Variants in CES1 observed in about 807,000 individuals in gnomAD.
CES1 encodes liver carboxylesterase 1.
In CES1, 50 loss-of-function variants were observed where a neutral mutation model predicts 53.0. That is an observed-to-expected ratio of 0.94 (90% confidence interval 0.75 to 1.19). The LOEUF (loss-of-function observed/expected upper bound fraction) is 1.19. Among genes scored for constraint, CES1 ranks in the 50% most tolerant of loss-of-function variants. CES1 has a pLI of 0.00. For synonymous variants in CES1, 202 were observed against 210.1 expected (o/e 0.96, Z 0.33); for missense variants, 534 against 538.0 (o/e 0.99, Z 0.07).
At chr16:55,812,122 A>T (rs769346729) in intron 9 of CES1, among the ~76,000 whole-genome samples, 1 of 152,220 alleles carries the variant, frequency 6.6e-6, no homozygotes, top group Non-Finnish European at 1.5e-5. Context: ...CCCCTATTGC[A>T]ATCATATTAC....
chr16:55,830,404 AT>A (rs2032589642), intron 1 of CES1, among the ~76,000 whole-genome samples: 1 of 152,228 alleles, frequency 6.6e-6, no homozygotes, highest in East Asian at 1.9e-4. Context: ...ACTGTATGGG[AT>A]TTCCGGTCTT....
intron 9 of CES1, among the ~76,000 whole-genome samples, chr16:55,811,907 G>A (rs1395926839): frequency 5.9e-5 from 9 of 152,150 alleles, no homozygotes; most frequent in Non-Finnish European, 4.4e-5. Context: ...TTCTTCCTGC[G>A]GTCTAATGCA....
chr16:55,817,226 G>A (rs1367520758), intron 7 of CES1, among the ~76,000 whole-genome samples: 2 of 152,154 alleles, frequency 1.3e-5, no homozygotes, highest in Non-Finnish European at 2.9e-5. Flanking sequence ...TAGGACATAA[G>A]TCTAGAGTGC....
rs1288948235 is a variant in CES1 at position 55,826,133 on chromosome 16, G to A, written c.405+18C>T. On this transcript the variant is annotated intron_variant, in intron 3 of 13. Transcript: ENST00000360526. ...TACTGGCACTGACACGCCTTGACCA[G>A]GGGGTCCCACAACTTACCGGCAGCC... 1 of 1,613,782 alleles carries A rather than the reference G, an allele frequency of 6.2e-7. No individual in the cohort carries two copies. The highest frequency in any genetic ancestry group is 1.3e-5 in the African/African-American group (1 of 74,914).
chr16:55,826,271 C>A lies in CES1; in HGVS notation c.285G>T (p.Gly95=), dbSNP rs779072034. The A allele has an allele frequency of 1.2e-6, 2 of 1,613,868 alleles. No homozygotes were observed. The highest frequency in any genetic ancestry group is 3.3e-5 in the Admixed American group (2 of 60,002). Residue 95 remains glycine, a synonymous_variant, in exon 3 of 14, where the codon GGG becomes GGT. Coordinates refer to ENST00000360526, the MANE Select transcript of CES1 (RefSeq NM_001025195.2). The part of the protein sequence containing the change: ...PPMCTQDPKA[G]QLLSELFTNR... ...TTGTAAATAGCTCTGAGAGTAACTGCCCCGCCTTGGGATCTTGGGTGCACC... is the reference window on the plus strand; with the variant it reads ...TTGTAAATAGCTCTGAGAGTAACTGACCCGCCTTGGGATCTTGGGTGCACC...
At chr16:55,811,882 C>A (rs2031714501) in intron 9 of CES1, among the ~76,000 whole-genome samples, 1 of 152,330 alleles carries the variant, frequency 6.6e-6, no homozygotes, top group African/African-American at 2.4e-5. Context: ...AAGAGTAGAG[C>A]CTGACTTCAG....
At chr16:55,816,571 T>C (rs1270277697) in intron 8 of CES1, among the ~76,000 whole-genome samples, 5 of 152,214 alleles carry the variant, frequency 3.3e-5, no homozygotes, top group African/African-American at 1.2e-4. Flanking sequence ...CCTTGGCTAA[T>C]CATCGCTGTT....
intron 3 of CES1, among the ~76,000 whole-genome samples, chr16:55,824,966 C>T (rs1342543263): frequency 6.6e-6 from 1 of 152,172 alleles, no homozygotes; most frequent in Non-Finnish European, 1.5e-5. Flanking sequence ...CTGCCTGCCT[C>T]CTGGGGAGGG....
At chr16:55,819,424 T>G in intron 7 of CES1, 111 bp downstream of exon 7, 5 of 817,980 alleles carry the variant, frequency 6.1e-6, no homozygotes, top group Non-Finnish European at 1.1e-5. Context: ...ATTCAGATAC[T>G]GAGAGTTGAG....
In CES1 at chr16:55,813,005, C is replaced by T. The variant is rs141487343; in HGVS notation, c.984G>A (p.Leu328=). The change falls in exon 9 of 14, where the codon CTG becomes CTA. Residue 328 remains leucine, a synonymous_variant. Coordinates refer to ENST00000360526, the MANE Select transcript of CES1 (RefSeq NM_001025195.2). ...PLLGTVIDGM[L]LLKTPEELQA... ...GAAGCTCTTCAGGTGTTTTCAGCAG[C>T]AGCATCCCATCAATCACAGTGCCCA... 237 of 1,614,074 alleles carry T rather than the reference C, an allele frequency of 1.5e-4. No individual in the cohort carries two copies. In the Admixed American group the frequency reaches 3.5e-3, roughly 24 times the overall value.
rs2031664980 is a variant in CES1, at chr16:55,810,964, G to A, written c.1133C>T (p.Thr378Ile). 3 of 1,613,564 alleles carry A rather than the reference G, an allele frequency of 1.9e-6. No homozygotes were observed. The highest frequency in any genetic ancestry group is 2.5e-6 in the Non-Finnish European group (3 of 1,179,858). ...PLSEGQLDQK[T>I]AMSLLWKSYP... Reference sequence around the variant, plus strand: ...GGACTTCCACAGGAGTGACATGGCTGTCTTCTGGTCCAGTTGCCCTTCGGA... The same window carrying A: ...GGACTTCCACAGGAGTGACATGGCTATCTTCTGGTCCAGTTGCCCTTCGGA... Residue 378 changes from threonine (T) to isoleucine (I), a missense_variant, in exon 10 of 14, where the codon ACA becomes ATA. By Grantham distance (89) the Thr-to-Ile change is moderately conservative (BLOSUM62 -1). This residue lies in a region of CES1 where 269 missense variants were observed against 206.6 expected (regional missense o/e 1.30). Coordinates refer to ENST00000360526, the MANE Select transcript of CES1 (RefSeq NM_001025195.2).
intron 1 of CES1, among the ~76,000 whole-genome samples, chr16:55,831,699 C>T (rs1376345381): frequency 6.9e-6 from 1 of 145,134 alleles, no homozygotes; most frequent in Non-Finnish European, 1.5e-5. Context: ...AAATAGGCTT[C>T]CTCTCTTCTC....
Position 55,812,929 on chromosome 16 carries a change from G to T in CES1, c.1060C>A (p.Gln354Lys). The change falls in exon 9 of 14, where the codon CAG becomes AAG. Residue 354 changes from glutamine to lysine, a missense_variant. Coordinates refer to ENST00000360526, the MANE Select transcript of CES1 (RefSeq NM_001025195.2). ...ATTGGAATCAACCAGCCAAACTCCTGCTTGTTAATTCCGACCATGTAGGGG... is the reference window on the plus strand; with the variant it reads ...ATTGGAATCAACCAGCCAAACTCCTTCTTGTTAATTCCGACCATGTAGGGG... ...TVPYMVGINK[Q>K]EFGWLIPMQL... 1.9e-6 allele frequency: 3 copies of T among 1,614,172 alleles called. No homozygotes were observed. Among genetic ancestry groups the T allele is most frequent in the Non-Finnish European group, 2.5e-6 (3 of 1,180,026 alleles).
intron 9 of CES1, 51 bp downstream of exon 9, chr16:55,812,852 G>A (rs772819517): frequency 1.2e-5 from 20 of 1,612,098 alleles, no homozygotes; most frequent in Non-Finnish European, 1.7e-5. Flanking sequence ...CCAGAGACAG[G>A]AGGGCTGATG....
At position 55,810,934 on chromosome 16, in the gene CES1, G is replaced by T; in HGVS notation, c.1163C>A (p.Pro388His). ...TAMSLLWKSY[P>H]LVCIAKELIP... is the part of the protein sequence containing the mutation. ...TGATTCCTAGACTCTTACAACAAGG[G>T]GATAGGACTTCCACAGGAGTGACAT... is the stretch of plus-strand genomic sequence containing the variant. Residue 388 changes from proline to histidine, a missense_variant, in exon 10 of 14, where the codon CCC becomes CAC. Physicochemically the swap from Pro to His is moderately conservative, Grantham distance 77 (BLOSUM62 -2). Around this residue, in one of 5 missense-constraint regions of CES1, gnomAD observed 269 missense variants for 206.6 expected, o/e 1.30. Coordinates refer to ENST00000360526, the MANE Select transcript of CES1 (RefSeq NM_001025195.2). The T allele has an allele frequency of 1.9e-6, 3 of 1,613,414 alleles. No individual in the cohort carries two copies. Among genetic ancestry groups the T allele is most frequent in the Non-Finnish European group, 2.5e-6 (3 of 1,179,570 alleles).
At chr16:55,817,180 T>C (rs1779023912) in intron 7 of CES1, among the ~76,000 whole-genome samples, 1 of 152,208 alleles carries the variant, frequency 6.6e-6, no homozygotes, top group South Asian at 2.1e-4. Flanking sequence ...CCAAAACTTT[T>C]GCAGGAATTG....
intron 9 of CES1, 27 bp downstream of exon 9, chr16:55,812,876 C>T: frequency 6.2e-7 from 1 of 1,613,484 alleles, no homozygotes; most frequent in Non-Finnish European, 8.5e-7. Context: ...GTGGTTGAGT[C>T]CCTCCAACAG....
chr16:55,821,604 T>C, intron 4 of CES1, 83 bp from the exon 5 acceptor site: 1 of 1,446,750 alleles, frequency 6.9e-7, no homozygotes, highest in South Asian at 1.1e-5. Flanking sequence ...CTAGGGGTTC[T>C]CAGTGAACCC....
chr16:55,826,384 G>A, intron 2 of CES1, 89 bp from the exon 3 acceptor site: 1 of 1,476,986 alleles, frequency 6.8e-7, no homozygotes, highest in African/African-American at 1.4e-5. Flanking sequence ...GGAGGTTTAA[G>A]CCTGGAAATG....
Sources: allele counts gnomAD v4.1 joint callset (sites outside exome capture counted in the v4.1 genomes callset), GRCh38; gene constraint gnomAD v4.1.1; regional missense constraint gnomAD v4.1.1; transcripts MANE v1.5; gene names NCBI Gene and HGNC (gene_info 2026-07-23, HGNC 2026-07-21).